PPP2R5E: variants seen among roughly 807,000 people sequenced by gnomAD.
The protein encoded by PPP2R5E is serine/threonine-protein phosphatase 2A 56 kDa regulatory subunit epsilon isoform.
Under a neutral mutation model 65.3 loss-of-function variants are expected in PPP2R5E, and 4 were observed. The observed-to-expected ratio is 0.06, with a 90% CI of 0.03 to 0.14. The LOEUF (loss-of-function observed/expected upper bound fraction) is 0.14, where lower values mean the gene tolerates loss of function less well. Ranked by LOEUF, PPP2R5E falls within the 10% of genes least tolerant of loss-of-function variation. The pLI is 1.00. For missense variants in PPP2R5E, 274 were observed against 556.1 expected, an observed-to-expected ratio of 0.49 and a Z score of 5.10; for synonymous variants, 183 against 187.4, an observed-to-expected ratio of 0.98 and a Z score of 0.19.
chr14:63,469,154 T>C (rs181011916), intron 2 of PPP2R5E, among the ~76,000 whole-genome samples: 1 of 152,314 alleles, frequency 6.6e-6, no homozygotes, highest in Non-Finnish European at 1.5e-5. Flanking sequence ...AAATATACAC[T>C]ATTAAGCAAA....
At position 63,374,948 on chromosome 14, in the gene PPP2R5E, C is replaced by T. The variant is rs1345960113; in HGVS notation, c.*1061G>A. The T allele has an allele frequency of 1.3e-5, 2 of 152,234 alleles. No individual in the cohort carries two copies. Among genetic ancestry groups the T allele is most frequent in the African/African-American group, 4.8e-5 (2 of 41,320 alleles). The allele number at this position is 152,234 out of a possible 1,614,324, so 9.4% of individuals were successfully genotyped here. ...TGATGAGATATAGAACGAGAATCTA[C>T]AAAAAACACTGTAACATGTTTGTTT... is the stretch of plus-strand genomic sequence containing the variant. On this transcript the variant is annotated 3_prime_UTR_variant, in exon 14 of 14. Coordinates refer to ENST00000337537, the MANE Select transcript of PPP2R5E (RefSeq NM_006246.5).
chr14:63,487,921 CTTT>C (rs1483338392), intron 2 of PPP2R5E, among the ~76,000 whole-genome samples: 2 of 152,154 alleles, frequency 1.3e-5, no homozygotes, highest in East Asian at 1.9e-4. Context: ...ACTTCCTCTT[CTTT>C]ATTTGTCTTT....
At chr14:63,417,172 G>A (rs183800500) in intron 4 of PPP2R5E, among the ~76,000 whole-genome samples, 6 of 152,164 alleles carry the variant, frequency 3.9e-5, no homozygotes, top group African/African-American at 1.2e-4. Flanking sequence ...ATTGAGTTAC[G>A]CAGCTCTTTT....
chr14:63,531,038 T>C (rs1050128955), intron 2 of PPP2R5E, among the ~76,000 whole-genome samples: 1 of 152,218 alleles, frequency 6.6e-6, no homozygotes, highest in African/African-American at 2.4e-5. Flanking sequence ...TATCTCTTCA[T>C]TACAACTGGG....
At chr14:63,499,522 CGAG>C (rs572889390) in intron 2 of PPP2R5E, among the ~76,000 whole-genome samples, 114 of 152,166 alleles carry the variant, frequency 7.5e-4, no homozygotes, top group African/African-American at 2.7e-3. Flanking sequence ...GTCAGGAGTT[CGAG>C]ACCAGCCTGG....
chr14:63,419,932 A>C (rs779398950), intron 4 of PPP2R5E, among the ~76,000 whole-genome samples: 17 of 152,350 alleles, frequency 1.1e-4, no homozygotes, highest in Non-Finnish European at 2.5e-4. Context: ...ATATTCCTGC[A>C]GTAATGACAG....
At chr14:63,470,556 AT>A (rs941234644) in intron 2 of PPP2R5E, among the ~76,000 whole-genome samples, 1 of 152,020 alleles carries the variant, frequency 6.6e-6, no homozygotes, top group Non-Finnish European at 1.5e-5. Context: ...GGAAGAACAT[AT>A]TTATATTATT....
At chr14:63,475,579 T>G (rs1890368063) in intron 2 of PPP2R5E, among the ~76,000 whole-genome samples, 1 of 152,208 alleles carries the variant, frequency 6.6e-6, no homozygotes. Context: ...TATATTACAA[T>G]TAGTTTACAA....
intron 3 of PPP2R5E, among the ~76,000 whole-genome samples, chr14:63,430,401 GCATACATACATA>G (rs56314616): frequency 7.0e-6 from 1 of 143,738 alleles, no homozygotes; most frequent in African/African-American, 2.8e-5. Flanking sequence ...ATACATACAT[GCATACATACATA>G]CATACATGCA....
At chr14:63,497,334 T>C (rs1331771318) in intron 2 of PPP2R5E, among the ~76,000 whole-genome samples, 1 of 152,108 alleles carries the variant, frequency 6.6e-6, no homozygotes, top group Non-Finnish European at 1.5e-5. Context: ...TTCATAAAAC[T>C]TGGCTCCCCA....
chr14:63,502,020 G>A (rs547308611), intron 2 of PPP2R5E, among the ~76,000 whole-genome samples: 12 of 152,172 alleles, frequency 7.9e-5, no homozygotes, highest in South Asian at 6.2e-4. Flanking sequence ...TCGGCCTCCC[G>A]AGTAGCTGGG....
chr14:63,480,190 G>A (rs1410570532), intron 2 of PPP2R5E, among the ~76,000 whole-genome samples: 1 of 152,136 alleles, frequency 6.6e-6, no homozygotes, highest in Non-Finnish European at 1.5e-5. Context: ...AGGTGTGGTG[G>A]CTCATGCCTG....
intron 2 of PPP2R5E, among the ~76,000 whole-genome samples, chr14:63,505,199 T>C (rs1409548557): frequency 6.6e-6 from 1 of 151,938 alleles, no homozygotes; most frequent in Non-Finnish European, 1.5e-5. Context: ...GCCGGACATG[T>C]TTGCTTGAAC....
At chr14:63,424,242 G>A (rs536356488) in intron 3 of PPP2R5E, among the ~76,000 whole-genome samples, 11 of 152,174 alleles carry the variant, frequency 7.2e-5, no homozygotes. Flanking sequence ...AAAGGGAAAA[G>A]TTTATTTCTT....
intron 2 of PPP2R5E, among the ~76,000 whole-genome samples, chr14:63,512,120 G>GAAAAT (rs1892487310): frequency 7.4e-6 from 1 of 134,706 alleles, no homozygotes. Context: ...TCAGAACACT[G>GAAAAT]AAAATAAAAG....
chr14:63,396,494 C>T, intron 6 of PPP2R5E, 92 bp downstream of exon 6: 1 of 1,475,822 alleles, frequency 6.8e-7, no homozygotes, highest in Non-Finnish European at 9.2e-7. Flanking sequence ...AAAGAGAAGT[C>T]AGTACACCGT....
In PPP2R5E at chr14:63,373,861, A is replaced by C. The variant is rs563733125; in HGVS notation, c.*2148T>G. 1 of 152,314 alleles carries C rather than the reference A, an allele frequency of 6.6e-6. No individual in the cohort carries two copies. The highest frequency in any genetic ancestry group is 2.1e-4 in the South Asian group (1 of 4,830). The allele number at this position is 152,314 out of a possible 1,614,324, so 9.4% of individuals were successfully genotyped here. A position where few individuals can be genotyped will look rare whatever the true frequency, so the allele number is the denominator to read the frequency against. ...TAAATATAATGCAGAGTTGAAACTA[A>C]AGGGCTAAAATGACAAGGGCTAAAA... On this transcript the variant is annotated 3_prime_UTR_variant, in exon 14 of 14. Transcript: ENST00000337537.
At chr14:63,479,360 C>A (rs1890577847) in intron 2 of PPP2R5E, 1 of 152,126 alleles carries the variant, frequency 6.6e-6, no homozygotes, top group Non-Finnish European at 1.5e-5. Context: ...CCTCAAGGAT[C>A]ATCCTCAGAA....
At chr14:63,463,128 G>A (rs1396059341) in intron 2 of PPP2R5E, among the ~76,000 whole-genome samples, 1 of 122,506 alleles carries the variant, frequency 8.2e-6, no homozygotes, top group Non-Finnish European at 1.6e-5. Context: ...AACTAAGATG[G>A]TTTTTTTGTT....
Sources: allele counts gnomAD v4.1 joint callset (sites outside exome capture counted in the v4.1 genomes callset), GRCh38; gene constraint gnomAD v4.1.1; transcripts MANE v1.5; gene names NCBI Gene and HGNC (gene_info 2026-07-23, HGNC 2026-07-21).